ROCK1: variants seen among roughly 807,000 people sequenced by gnomAD.
ROCK1 encodes the protein Rho associated coiled-coil containing protein kinase 1.
Under a neutral mutation model 196.8 loss-of-function variants are expected in ROCK1, and 36 were observed. The ratio of observed to expected loss-of-function variants is 0.18; its 90% CI spans 0.14 to 0.24. The LOEUF (loss-of-function observed/expected upper bound fraction) is 0.24, where lower values mean the gene tolerates loss of function less well. ROCK1 is among the 10% of genes least tolerant of loss of function. The pLI is 1.00. For synonymous variants in ROCK1, 443 were observed against 515.9 expected (o/e 0.86, Z 1.91); for missense variants, 920 against 1,562.0 (o/e 0.59, Z 6.93).
At chr18:20,973,864 G>A (rs1029863754) in intron 22 of ROCK1, among the ~76,000 whole-genome samples, 8 of 146,568 alleles carry the variant, frequency 5.5e-5, no homozygotes, top group African/African-American at 1.5e-4. Flanking sequence ...GTGTGATCTC[G>A]GCTCCTCCCG....
intron 1 of ROCK1, among the ~76,000 whole-genome samples, chr18:21,095,050 C>CAAAA (rs777577556): frequency 3.7e-5 from 2 of 53,756 alleles, no homozygotes; most frequent in African/African-American, 1.1e-4. Context: ...AACTCTGTCT[C>CAAAA]AAAAAAAAAA....
chr18:21,018,881 A>T (rs1402731391), intron 12 of ROCK1, among the ~76,000 whole-genome samples: 3 of 152,210 alleles, frequency 2.0e-5, no homozygotes. Flanking sequence ...AAACATAAAT[A>T]ATTATAAAAA....
At chr18:20,985,447 T>A (rs1386396696) in intron 19 of ROCK1, among the ~76,000 whole-genome samples, 1 of 152,236 alleles carries the variant, frequency 6.6e-6, no homozygotes, top group African/African-American at 2.4e-5. Flanking sequence ...CATTTATTCA[T>A]TCTTCAGCTC....
chr18:21,073,064 A>C (rs949560900), intron 1 of ROCK1, among the ~76,000 whole-genome samples: 8 of 1,518 alleles, frequency 5.3e-3, no homozygotes, highest in Admixed American at 0.015. Context: ...CTCCGTCTCC[A>C]AAAAAAAAAA....
chr18:21,015,218 C>T (rs763593765), intron 13 of ROCK1, among the ~76,000 whole-genome samples: 2 of 151,972 alleles, frequency 1.3e-5, no homozygotes, highest in East Asian at 1.9e-4. Flanking sequence ...AAAATTAATA[C>T]GGCTGTAGAA....
Position 21,008,208 on chromosome 18 carries a change from G to A in ROCK1, c.1411-14C>T. ...TCTTTGATTTCCCTGGAATTATAAT[G>A]ATAAAAGTTACCACTGTGATTAATA... On this transcript the variant is annotated splice_polypyrimidine_tract_variant and intron_variant, in intron 13 of 32. Transcript: ENST00000399799. The A allele has an allele frequency of 6.5e-7, 1 of 1,548,920 alleles. No homozygotes were observed. Among genetic ancestry groups the A allele is most frequent in the Non-Finnish European group, 8.7e-7 (1 of 1,144,120 alleles).
At chr18:20,967,239 T>C (rs962686207) in intron 26 of ROCK1, among the ~76,000 whole-genome samples, 163 bp from the exon 27 acceptor site, 1 of 152,246 alleles carries the variant, frequency 6.6e-6, no homozygotes, top group Non-Finnish European at 1.5e-5. Flanking sequence ...GTCAAGTTCT[T>C]TCTCAGTAAT....
chr18:20,967,228 T>C (rs552590323), intron 26 of ROCK1, 152 bp from the exon 27 acceptor site: 1 of 544,116 alleles, frequency 1.8e-6, no homozygotes, highest in African/African-American at 1.9e-5. Context: ...ACTACAGAAA[T>C]GTCAAGTTCT....
At chr18:20,998,874 G>A (rs1213814006) in intron 16 of ROCK1, among the ~76,000 whole-genome samples, 1 of 152,042 alleles carries the variant, frequency 6.6e-6, no homozygotes, top group African/African-American at 2.4e-5. Context: ...CTCTCAAAGT[G>A]CTGGGATTAC....
At chr18:20,981,402 A>G (rs1358564510) in intron 21 of ROCK1, among the ~76,000 whole-genome samples, 1 of 152,326 alleles carries the variant, frequency 6.6e-6, no homozygotes, top group East Asian at 1.9e-4. Flanking sequence ...CTCAAAAAAA[A>G]AAGAAATATC....
intron 16 of ROCK1, among the ~76,000 whole-genome samples, chr18:20,993,392 G>A (rs1261387740): frequency 2.0e-5 from 3 of 152,172 alleles, no homozygotes; most frequent in African/African-American, 4.8e-5. Context: ...TAGTAGAGAC[G>A]GGGTTTCACC....
At chr18:21,017,652 G>T (rs1421063818) in intron 12 of ROCK1, among the ~76,000 whole-genome samples, 1 of 152,002 alleles carries the variant, frequency 6.6e-6, no homozygotes, top group Non-Finnish European at 1.5e-5. Flanking sequence ...TAACTAAAAT[G>T]ATTTGAATGC....
At chr18:21,065,560 A>T (rs1181105796) in intron 2 of ROCK1, among the ~76,000 whole-genome samples, 2 of 152,200 alleles carry the variant, frequency 1.3e-5, no homozygotes, top group Non-Finnish European at 2.9e-5. Flanking sequence ...GTTTATAAGC[A>T]TATACAATCA....
At chr18:20,992,763 C>A in intron 17 of ROCK1, 68 bp downstream of exon 17, 1 of 893,516 alleles carries the variant, frequency 1.1e-6, no homozygotes, top group Non-Finnish European at 1.7e-6. Flanking sequence ...TTTTATAAAA[C>A]CACCTAGTAG....
At chr18:21,042,537 A>G (rs761744951) in intron 7 of ROCK1, 28 bp downstream of exon 7, 2 of 1,610,270 alleles carry the variant, frequency 1.2e-6, no homozygotes, top group Non-Finnish European at 1.7e-6. Flanking sequence ...CAACTGTAAT[A>G]GAGAGACATA....
intron 2 of ROCK1, 108 bp downstream of exon 2, chr18:21,070,424 G>T: frequency 1.7e-6 from 1 of 603,416 alleles, no homozygotes; most frequent in Non-Finnish European, 2.8e-6. Flanking sequence ...AGAAATCATT[G>T]ATGAAATCAC....
Position 20,987,110 on chromosome 18 carries a change from T to C in ROCK1, c.2144A>G (p.Glu715Gly). The C allele has an allele frequency of 6.2e-7, 1 of 1,610,138 alleles. No homozygotes were observed. Among genetic ancestry groups the C allele is most frequent in the Non-Finnish European group, 8.5e-7 (1 of 1,179,168 alleles). Residue 715 changes from glutamate (E) to glycine (G), a missense_variant and splice_region_variant, in exon 19 of 33, where the codon GAG becomes GGG. By Grantham distance (98) the Glu-to-Gly change is moderately conservative. Transcript: ENST00000399799. ...IEEAKSVAMCEMEKKLKEERE... is the reference protein window; with the variant it reads ...IEEAKSVAMCGMEKKLKEERE... ...TTCTTCTTTCAGCTTTTTTTCCATC[T>C]CTGGGAAAGCAAAAAGTTACAAACA...
chr18:21,110,997 C>G lies in ROCK1; in HGVS notation c.-87G>C. The G allele has an allele frequency of 8.7e-7, 1 of 1,153,962 alleles. No homozygotes were observed. Among genetic ancestry groups the G allele is most frequent in the South Asian group, 1.3e-5 (1 of 78,620 alleles). The allele number at this position is 1,153,962 out of a possible 1,614,324, so 71.5% of individuals were successfully genotyped here. ...ACTTCCTCCGCGGTGGGTTCGCAGC[C>G]GCGGGGCGGAGGAGCCGGAACCTCA... On this transcript the variant is annotated 5_prime_UTR_variant, in exon 1 of 33. Transcript: ENST00000399799.
intron 18 of ROCK1, among the ~76,000 whole-genome samples, chr18:20,990,219 G>A (rs1022740470): frequency 9.2e-5 from 14 of 152,164 alleles, no homozygotes; most frequent in African/African-American, 3.4e-4. Context: ...TAACACAGTG[G>A]AAGTACAAAG....
Sources: gnomAD v4.1 joint callset for allele counts (sites outside exome capture counted in the v4.1 genomes callset) on GRCh38, gnomAD v4.1.1 for gene constraint, MANE v1.5 for transcripts, NCBI Gene and HGNC (gene_info 2026-07-23, HGNC 2026-07-21) for gene names.